Variants in IMPG2 observed in about 807,000 individuals in gnomAD.
IMPG2 encodes IPM 200.
In IMPG2, 91 loss-of-function variants were observed where a neutral mutation model predicts 129.2. The observed-to-expected ratio is 0.70, with a 90% CI of 0.59 to 0.84. IMPG2 has a LOEUF of 0.84. Among genes scored for constraint, IMPG2 ranks in the 40% least tolerant of loss-of-function variants. IMPG2 has a pLI of 0.00. For synonymous variants in IMPG2, 510 were observed against 517.7 expected (o/e 0.99, Z 0.20); for missense variants, 1,430 against 1,461.7 (o/e 0.98, Z 0.35).
Position 101,244,134 on chromosome 3 carries a change from T to C in IMPG2, c.2197A>G (p.Thr733Ala), listed in dbSNP as rs775385476. ...ILTSVAISAS[T>A]DKSDQADAIL... ...GCATCTGCCTGATCTGATTTATCAGTAGAGGCAGAGATTGCTACAGATGTC... is the reference window on the plus strand; with the variant it reads ...GCATCTGCCTGATCTGATTTATCAGCAGAGGCAGAGATTGCTACAGATGTC... Residue 733 changes from threonine (T) to alanine (A), a missense_variant, in exon 13 of 19, where the codon ACT becomes GCT. Physicochemically the swap from Thr to Ala is moderately conservative, Grantham distance 58. Coordinates refer to ENST00000193391, the MANE Select transcript of IMPG2 (RefSeq NM_016247.4). The C allele has an allele frequency of 1.2e-6, 2 of 1,614,100 alleles. No individual in the cohort carries two copies. The highest frequency in any genetic ancestry group is 1.1e-5 in the South Asian group (1 of 91,078).
rs533412192 is a variant in IMPG2 at position 101,227,936 on chromosome 3, A to G, written c.3713+861T>C. ...GCCATGGGTGTTATTGTGACCCTTC[A>G]TTAATTTCTCTTATAAGCATGCATG... On this transcript the variant is annotated intron_variant, in intron 18 of 18. Coordinates refer to ENST00000193391, the MANE Select transcript of IMPG2 (RefSeq NM_016247.4). The G allele has an allele frequency of 6.0e-5, 26 of 432,108 alleles. No individual in the cohort carries two copies. The East Asian group carries it at 1.8e-3, about 30-fold the overall frequency. The allele number at this position is 432,108 out of a possible 1,614,324, so 26.8% of individuals were successfully genotyped here. A position where few individuals can be genotyped will look rare whatever the true frequency, so the allele number is the denominator to read the frequency against.
In IMPG2 at chr3:101,226,837, C is replaced by T; in HGVS notation, c.*132G>A. 1.1e-6 allele frequency: 1 copy of T among 882,802 alleles called. No homozygotes were observed. Among genetic ancestry groups the T allele is most frequent in the Non-Finnish European group, 1.8e-6 (1 of 548,060 alleles). The allele number at this position is 882,802 out of a possible 1,614,324, so 54.7% of individuals were successfully genotyped here. On this transcript the variant is annotated 3_prime_UTR_variant, in exon 19 of 19. Transcript: ENST00000193391. Reference sequence around the variant, plus strand: ...TTAAGCTGAAAAAAAAACAGTGTGCCCTATATTTAATTTTTTCATAGAAAA... The same window carrying T: ...TTAAGCTGAAAAAAAAACAGTGTGCTCTATATTTAATTTTTTCATAGAAAA...
chr3:101,292,730 A>G (rs912980767), intron 3 of IMPG2, among the ~76,000 whole-genome samples: 4 of 152,240 alleles, frequency 2.6e-5, no homozygotes, highest in Non-Finnish European at 5.9e-5. Context: ...CATTTTATCT[A>G]AAAGTCCTCT....
At chr3:101,269,416 A>G in intron 8 of IMPG2, 99 bp downstream of exon 8, 2 of 754,572 alleles carry the variant, frequency 2.7e-6, no homozygotes, top group Middle Eastern at 2.5e-4. Flanking sequence ...CAGCATTCAA[A>G]CCATTTATTG....
chr3:101,244,989 C>T (rs1272177757), intron 12 of IMPG2, among the ~76,000 whole-genome samples: 1 of 151,930 alleles, frequency 6.6e-6, no homozygotes, highest in Non-Finnish European at 1.5e-5. Flanking sequence ...AATATTATCT[C>T]CTTCTCGAGG....
In IMPG2 at chr3:101,319,877, G is replaced by A. The variant is rs1410105403; in HGVS notation, c.86-45C>T. On this transcript the variant is annotated intron_variant, in intron 1 of 18. Transcript: ENST00000193391. Reference sequence around the variant, plus strand: ...TCAAGTCTTCGATAATGAAGATACAGTACAAAAGGTAACAACTAAAGAAAA... The same window carrying A: ...TCAAGTCTTCGATAATGAAGATACAATACAAAAGGTAACAACTAAAGAAAA... 5 of 1,589,430 alleles carry A rather than the reference G, an allele frequency of 3.1e-6. No homozygotes were observed. In the East Asian group the frequency reaches 6.7e-5, roughly 21 times the overall value.
At chr3:101,255,997 C>T (rs1055018878) in intron 10 of IMPG2, among the ~76,000 whole-genome samples, 4 of 148,760 alleles carry the variant, frequency 2.7e-5, no homozygotes, top group Admixed American at 1.3e-4. Flanking sequence ...TTAAAAAAAA[C>T]GTTAGTCCAG....
At chr3:101,289,712 G>C (rs1021827396) in intron 4 of IMPG2, among the ~76,000 whole-genome samples, 2 of 151,934 alleles carry the variant, frequency 1.3e-5, no homozygotes, top group South Asian at 4.2e-4. Context: ...TTACAGAGGA[G>C]AGGCACATGA....
At chr3:101,260,896 A>G (rs953551530) in intron 9 of IMPG2, among the ~76,000 whole-genome samples, 37 of 152,316 alleles carry the variant, frequency 2.4e-4, no homozygotes, top group Middle Eastern at 3.4e-3. Context: ...ACTTGTGAAA[A>G]TAATGAAGAA....
intron 9 of IMPG2, among the ~76,000 whole-genome samples, chr3:101,265,564 A>G (rs1234127551): frequency 6.6e-6 from 1 of 152,110 alleles, no homozygotes; most frequent in Non-Finnish European, 1.5e-5. Flanking sequence ...TAGATCAAAG[A>G]CCTAAATGTC....
intron 18 of IMPG2, among the ~76,000 whole-genome samples, chr3:101,228,474 C>G (rs181010832): frequency 6.6e-6 from 1 of 152,128 alleles, no homozygotes; most frequent in African/African-American, 2.4e-5. Context: ...GTAGTCCAGG[C>G]GTCTCTAGTC....
chr3:101,272,696 T>C (rs79546756), intron 7 of IMPG2, among the ~76,000 whole-genome samples: 4,370 of 152,198 alleles, frequency 0.029, 215 homozygotes, highest in African/African-American at 0.1. Flanking sequence ...GAAAATAAAT[T>C]GTCTGGCCTC....
intron 14 of IMPG2, among the ~76,000 whole-genome samples, chr3:101,238,691 G>T (rs376095389): frequency 1.3e-5 from 2 of 152,108 alleles, no homozygotes; most frequent in African/African-American, 4.8e-5. Flanking sequence ...TCACCATTAG[G>T]CCTGCCTTAC....
At chr3:101,277,422 C>T (rs1389912979) in intron 4 of IMPG2, among the ~76,000 whole-genome samples, 1 of 152,178 alleles carries the variant, frequency 6.6e-6, no homozygotes, top group Non-Finnish European at 1.5e-5. Flanking sequence ...GTGAGCAAAA[C>T]ACCCATTGTA....
chr3:101,297,016 C>A (rs1322107187), intron 3 of IMPG2, among the ~76,000 whole-genome samples: 18 of 152,184 alleles, frequency 1.2e-4, no homozygotes, highest in Admixed American at 1.2e-3. Flanking sequence ...CACTCTCCTG[C>A]CTCAGCCTCC....
At position 101,225,453 on chromosome 3, in the gene IMPG2, A is replaced by T. The variant is rs1706211722; in HGVS notation, c.*1516T>A. The T allele has an allele frequency of 6.6e-6, 1 of 152,262 alleles. No homozygotes were observed. The highest frequency in any genetic ancestry group is 1.5e-5 in the Non-Finnish European group (1 of 68,064). The allele number at this position is 152,262 out of a possible 1,614,324, so 9.4% of individuals were successfully genotyped here. ...CACACATACACACACACAACCTGTT[A>T]TCCATACATACTTTGCAAAATACCT... On this transcript the variant is annotated 3_prime_UTR_variant, in exon 19 of 19. Transcript: ENST00000193391.
intron 8 of IMPG2, 54 bp from the exon 9 acceptor site, chr3:101,267,585 A>G: frequency 7.1e-7 from 1 of 1,403,126 alleles, no homozygotes; most frequent in African/African-American, 1.4e-5. Context: ...TATTATTGTC[A>G]CATCATTCAT....
intron 7 of IMPG2, among the ~76,000 whole-genome samples, chr3:101,273,007 T>C (rs1401282348): frequency 6.6e-6 from 1 of 152,170 alleles, no homozygotes; most frequent in Non-Finnish European, 1.5e-5. Context: ...AAGTCCTATA[T>C]AGAATTTTCC....
rs2107199330 is a variant in IMPG2, at chr3:101,225,516, T to A, written c.*1453A>T. 1 of 152,374 alleles carries A rather than the reference T, an allele frequency of 6.6e-6. No individual in the cohort carries two copies. The highest frequency in any genetic ancestry group is 2.1e-4 in the South Asian group (1 of 4,830). 9.4% of individuals were successfully genotyped at this position (152,374 alleles called of 1,614,324 possible). A position where few individuals can be genotyped will look rare whatever the true frequency, so the allele number is the denominator to read the frequency against. On this transcript the variant is annotated 3_prime_UTR_variant, in exon 19 of 19. Transcript: ENST00000193391. ...GGCTTTCACTAGCTTTACTGTGGCA[T>A]GCACTGAGCCCAGATATTTAGTTTC...
Sources: gnomAD v4.1 joint callset for allele counts (sites outside exome capture counted in the v4.1 genomes callset) on GRCh38, gnomAD v4.1.1 for gene constraint, MANE v1.5 for transcripts, NCBI Gene and HGNC (gene_info 2026-07-23, HGNC 2026-07-21) for gene names.